COL27A1: variants seen among roughly 807,000 people sequenced by gnomAD.
COL27A1 encodes collagen type XXVII alpha 1 chain.
In COL27A1, 106 loss-of-function variants were observed where a neutral mutation model predicts 251.3. The observed-to-expected ratio is 0.42, with a 90% CI of 0.36 to 0.50. The LOEUF (loss-of-function observed/expected upper bound fraction) is 0.50, where lower values mean the gene tolerates loss of function less well. Among genes scored for constraint, COL27A1 ranks in the 20% least tolerant of loss-of-function variants. The pLI is 0.00. For missense variants in COL27A1, 2,325 were observed against 2,522.8 expected (o/e 0.92, Z 1.68); for synonymous variants, 1,000 against 986.3 (o/e 1.01, Z -0.26).
intron 36 of COL27A1, chr9:114,272,687 A>G (rs1479290784): frequency 1.3e-5 from 2 of 152,208 alleles, no homozygotes; most frequent in Non-Finnish European, 2.9e-5. Context: ...ACACACTGCT[A>G]AGCTATTTAC....
chr9:114,286,171 C>T (rs1295302637), intron 41 of COL27A1, among the ~76,000 whole-genome samples: 1 of 152,124 alleles, frequency 6.6e-6, no homozygotes, highest in Non-Finnish European at 1.5e-5. Context: ...TAGGGCGAGT[C>T]CCATGAATGA....
At chr9:114,229,595 C>T (rs893070291) in intron 14 of COL27A1, among the ~76,000 whole-genome samples, 2 of 152,192 alleles carry the variant, frequency 1.3e-5, no homozygotes, top group Admixed American at 6.5e-5. Flanking sequence ...AGAGCCTGAT[C>T]GGGTAGCAGG....
At chr9:114,257,371 C>T (rs1472684147) in intron 27 of COL27A1, among the ~76,000 whole-genome samples, 5 of 91,770 alleles carry the variant, frequency 5.4e-5, no homozygotes, top group African/African-American at 2.1e-4. Context: ...GGGGTGGGGG[C>T]GGGGGAGACA....
intron 36 of COL27A1, chr9:114,272,384 C>T: frequency 6.6e-6 from 1 of 152,312 alleles, no homozygotes; most frequent in Non-Finnish European, 1.5e-5. Flanking sequence ...GGCTTTTTGG[C>T]CCTGACTTCA....
chr9:114,189,737 A>AT (rs1194071415), intron 5 of COL27A1, among the ~76,000 whole-genome samples: 3 of 152,118 alleles, frequency 2.0e-5, no homozygotes, highest in East Asian at 3.9e-4. Flanking sequence ...AATTTTATAT[A>AT]TTTTTTTGCT....
intron 16 of COL27A1, among the ~76,000 whole-genome samples, chr9:114,232,899 C>T (rs748907746): frequency 6.6e-5 from 10 of 152,152 alleles, no homozygotes; most frequent in South Asian, 4.1e-4. Flanking sequence ...GGTGAAACCC[C>T]GTCTCTACTA....
intron 14 of COL27A1, among the ~76,000 whole-genome samples, chr9:114,227,836 C>T (rs1457943263): frequency 6.6e-6 from 1 of 152,160 alleles, no homozygotes; most frequent in East Asian, 1.9e-4. Flanking sequence ...CTGAGTGGCT[C>T]CGGCCAAGCT....
chr9:114,267,693 G>A, intron 34 of COL27A1, 136 bp downstream of exon 34: 5 of 832,694 alleles, frequency 6.0e-6, no homozygotes, highest in Non-Finnish European at 9.4e-6. Context: ...TGGCTGGGGA[G>A]TGGGGCCTGG....
In COL27A1 at chr9:114,169,062, C is replaced by T. The variant is rs1165316370; in HGVS notation, c.1507C>T (p.Pro503Ser). The T allele has an allele frequency of 2.0e-5, 32 of 1,614,026 alleles. No homozygotes were observed. Among genetic ancestry groups the T allele is most frequent in the Non-Finnish European group, 2.6e-5 (31 of 1,179,920 alleles). ...PTPGSTRSTR[P>S]PATMVPPTSG... is the part of the protein sequence containing the mutation. ...TCCTGGTTCTACCAGGAGTACTCGG[C>T]CACCAGCCACGATGGTACCTCCAAC... The change falls in exon 3 of 61, where the codon CCA becomes TCA. Residue 503 changes from proline to serine, a missense_variant. Pro to Ser is a moderately conservative substitution (Grantham distance 74, BLOSUM62 -1). Coordinates refer to ENST00000356083, the MANE Select transcript of COL27A1 (RefSeq NM_032888.4).
intron 3 of COL27A1, among the ~76,000 whole-genome samples, chr9:114,175,427 CA>C (rs1827345320): frequency 6.6e-6 from 1 of 152,242 alleles, no homozygotes; most frequent in Non-Finnish European, 1.5e-5. Context: ...GGAGAGGGGC[CA>C]GGGGGCACCC....
chr9:114,249,144 G>T (rs527427046), intron 24 of COL27A1, among the ~76,000 whole-genome samples: 3 of 152,310 alleles, frequency 2.0e-5, no homozygotes, highest in Admixed American at 1.3e-4. Flanking sequence ...CTGAATGACA[G>T]TTACATAGAT....
intron 12 of COL27A1, among the ~76,000 whole-genome samples, chr9:114,211,255 T>A (rs1232714903): frequency 6.6e-6 from 1 of 152,236 alleles, no homozygotes; most frequent in Non-Finnish European, 1.5e-5. Flanking sequence ...CTGGGGTAGC[T>A]CCTGTCTCCC....
chr9:114,285,310 G>A (rs1160026678), intron 41 of COL27A1, among the ~76,000 whole-genome samples: 1 of 152,120 alleles, frequency 6.6e-6, no homozygotes, highest in African/African-American at 2.4e-5. Context: ...GGAATTGCTG[G>A]AAGGATCCTC....
chr9:114,233,720 G>A (rs1412796007), intron 16 of COL27A1, among the ~76,000 whole-genome samples: 1 of 152,164 alleles, frequency 6.6e-6, no homozygotes, highest in African/African-American at 2.4e-5. Context: ...GAACTCGGCT[G>A]GCTTGCTGAT....
chr9:114,284,822 G>A, intron 41 of COL27A1, 45 bp downstream of exon 41: 2 of 1,603,228 alleles, frequency 1.2e-6, no homozygotes, highest in Non-Finnish European at 1.7e-6. Flanking sequence ...TCGTGTCTGA[G>A]GCTGAGGTCA....
intron 12 of COL27A1, chr9:114,218,037 G>A (rs929671010): frequency 5.9e-5 from 21 of 353,832 alleles, no homozygotes; most frequent in African/African-American, 3.9e-4. Context: ...TCACTAGGAG[G>A]CAGAGGTTGC....
chr9:114,256,809 G>A (rs914797290), intron 27 of COL27A1, among the ~76,000 whole-genome samples: 1 of 152,212 alleles, frequency 6.6e-6, no homozygotes, highest in African/African-American at 2.4e-5. Flanking sequence ...ATGTGAGCCC[G>A]GGTTCTCCAG....
At position 114,290,197 on chromosome 9, in the gene COL27A1, C is replaced by T. The variant is rs1564576074; in HGVS notation, c.4261-27C>T. ...CCTCCCACTCCCTGCACCAAATGCC[C>T]TCACCAGCTTTTTATGTACCCCCCA... On this transcript the variant is annotated intron_variant, in intron 46 of 60. Transcript: ENST00000356083. This position sits in a 1 kb window ranked among gnomAD's most constrained non-coding sequence, Gnocchi z 4.6. The T allele has an allele frequency of 3.2e-6, 5 of 1,580,762 alleles. No homozygotes were observed. The highest frequency in any genetic ancestry group is 4.3e-6 in the Non-Finnish European group (5 of 1,162,506).
chr9:114,250,811 A>T (rs1241822387), intron 25 of COL27A1, 143 bp downstream of exon 25: 1 of 708,164 alleles, frequency 1.4e-6, no homozygotes, highest in Non-Finnish European at 2.5e-6. Flanking sequence ...GTCTGCCAAG[A>T]GACATTGTTC....
Sources: allele counts gnomAD v4.1 joint callset (sites outside exome capture counted in the v4.1 genomes callset), GRCh38; gene constraint gnomAD v4.1.1; non-coding constraint Gnocchi (gnomAD v3.1); transcripts MANE v1.5; gene names NCBI Gene and HGNC (gene_info 2026-07-23, HGNC 2026-07-21).